CYRIA: variants seen among roughly 807,000 people sequenced by gnomAD.
The protein encoded by CYRIA is CYFIP related Rac1 interactor A, also known as CYFIP-related Rac1 interactor A.
A neutral mutation model predicts 43.9 loss-of-function variants in CYRIA; 15 were observed. That is an observed-to-expected ratio of 0.34 (90% CI 0.23 to 0.53). The LOEUF (loss-of-function observed/expected upper bound fraction) is 0.53, where lower values mean the gene tolerates loss of function less well. CYRIA is among the 20% of genes least tolerant of loss of function. The pLI is 0.94. For synonymous variants in CYRIA, 117 were observed against 136.0 expected, an observed-to-expected ratio of 0.86 and a Z score of 0.97; for missense variants, 236 against 394.2, an observed-to-expected ratio of 0.60 and a Z score of 3.40.
intron 2 of CYRIA, among the ~76,000 whole-genome samples, chr2:16,617,520 G>C (rs534290699): frequency 3.3e-5 from 5 of 152,378 alleles, no homozygotes; most frequent in African/African-American, 1.2e-4. Flanking sequence ...CTGAAACCAA[G>C]GAACTGAACA....
At chr2:16,633,099 G>T (rs982281010) in intron 1 of CYRIA, among the ~76,000 whole-genome samples, 1 of 152,054 alleles carries the variant, frequency 6.6e-6, no homozygotes, top group Admixed American at 6.5e-5. Flanking sequence ...CTAAGCTGAG[G>T]GTACAAGTTC....
intron 1 of CYRIA, among the ~76,000 whole-genome samples, chr2:16,653,944 T>C (rs1225546851): frequency 2.0e-5 from 3 of 152,150 alleles, no homozygotes; most frequent in Non-Finnish European, 4.4e-5. Flanking sequence ...GGACTTTGGG[T>C]GAGCTAAACT....
intron 2 of CYRIA, among the ~76,000 whole-genome samples, chr2:16,593,718 GT>G (rs572181896): frequency 0.51 from 43,816 of 85,614 alleles, 8,389 homozygotes; most frequent in East Asian, 0.71. Context: ...GTGTGTGTGT[GT>G]TTTTTTTTTT....
intron 2 of CYRIA, among the ~76,000 whole-genome samples, chr2:16,621,120 A>C (rs4832662): frequency 0.74 from 112,652 of 152,134 alleles, 43,106 homozygotes; most frequent in East Asian, 0.99. Flanking sequence ...CCTCATTTAT[A>C]CCCAGTGCCT....
intron 3 of CYRIA, among the ~76,000 whole-genome samples, chr2:16,578,441 T>G (rs1039998850): frequency 6.6e-6 from 1 of 152,196 alleles, no homozygotes; most frequent in African/African-American, 2.4e-5. Flanking sequence ...GAGGTTGAAA[T>G]GTACAGACGA....
intron 1 of CYRIA, among the ~76,000 whole-genome samples, chr2:16,641,786 A>G (rs1396364477): frequency 6.6e-6 from 1 of 152,190 alleles, no homozygotes; most frequent in East Asian, 1.9e-4. Context: ...ATGGCATGCA[A>G]AGGAGGCAGG....
intron 3 of CYRIA, among the ~76,000 whole-genome samples, chr2:16,582,290 G>A (rs1447125221): frequency 2.6e-5 from 4 of 152,116 alleles, no homozygotes; most frequent in Non-Finnish European, 5.9e-5. Context: ...TTAGGCAGAA[G>A]AAAAGAATTG....
chr2:16,651,510 C>G (rs1669976319), intron 1 of CYRIA, among the ~76,000 whole-genome samples: 1 of 152,202 alleles, frequency 6.6e-6, no homozygotes, highest in Non-Finnish European at 1.5e-5. Flanking sequence ...TGAACAGACT[C>G]TATCCTTCAT....
intron 1 of CYRIA, among the ~76,000 whole-genome samples, chr2:16,640,302 T>A (rs898696877): frequency 3.3e-5 from 5 of 152,220 alleles, no homozygotes; most frequent in African/African-American, 1.2e-4. Flanking sequence ...GCCATAGGAA[T>A]TGGGATGCTG....
rs373379481 is a variant in CYRIA at position 16,576,210 on chromosome 2, T to C, written c.71-10443A>G. Among the ~76,000 whole-genome samples the C allele has an allele frequency of 4.6e-5, 7 of 152,326 alleles. No homozygotes were observed. In the East Asian group the frequency reaches 9.6e-4, roughly 21 times the overall value. On this transcript the variant is annotated intron_variant, in intron 3 of 11. Transcript: ENST00000381323. ...CTTAGGAGGGTGAGGACAGGATCAT[T>C]AGATTCAGAAAGCATTTATTGGGTA...
rs1558436762 is a variant in CYRIA, at chr2:16,634,899, T to G, written c.-166-10880A>C. Among the ~76,000 whole-genome samples, 3 of 152,192 alleles carry G rather than the reference T, an allele frequency of 2.0e-5. No individual in the cohort carries two copies. In the South Asian group the frequency reaches 6.2e-4, roughly 32 times the overall value. ...CACGCTCCCAGCAAGTTTGTTTGGC[T>G]TTCGTTTATCCCAGATAATTGGTTA... On this transcript the variant is annotated intron_variant, in intron 1 of 11. Coordinates refer to ENST00000381323, the MANE Select transcript of CYRIA (RefSeq NM_030797.4).
chr2:16,579,733 C>G (rs1336683435), intron 3 of CYRIA, among the ~76,000 whole-genome samples: 1 of 151,554 alleles, frequency 6.6e-6, no homozygotes, highest in Non-Finnish European at 1.5e-5. Context: ...AATAGAGTAT[C>G]CCAAACAGTT....
rs200518486 is a variant in CYRIA, at chr2:16,561,441, G to C, written c.513+15C>G. 37 of 1,612,122 alleles carry C rather than the reference G, an allele frequency of 2.3e-5. No individual in the cohort carries two copies. The Middle Eastern group carries it at 1.5e-3, about 65-fold the overall frequency. Reference sequence around the variant, plus strand: ...TGGAGAAGGGTGCAAAGGTCAAGGCGACCCAGGGACTCACGTGCATGTTGT... The same window carrying C: ...TGGAGAAGGGTGCAAAGGTCAAGGCCACCCAGGGACTCACGTGCATGTTGT... On this transcript the variant is annotated intron_variant, in intron 7 of 11. Coordinates refer to ENST00000381323, the MANE Select transcript of CYRIA (RefSeq NM_030797.4).
At chr2:16,565,834 A>G in intron 3 of CYRIA, 67 bp from the exon 4 acceptor site, 2 of 1,416,652 alleles carry the variant, frequency 1.4e-6, no homozygotes, top group Admixed American at 2.0e-5. Flanking sequence ...GAGGATGGAT[A>G]TTCAGTTTTA....
chr2:16,556,652 T>C (rs907187673), intron 10 of CYRIA, among the ~76,000 whole-genome samples: 3 of 152,068 alleles, frequency 2.0e-5, no homozygotes, highest in Non-Finnish European at 1.5e-5. Flanking sequence ...GAAAACATCC[T>C]TGATAGGTGT....
chr2:16,559,243 C>T (rs1038860874), intron 10 of CYRIA, among the ~76,000 whole-genome samples: 1 of 152,090 alleles, frequency 6.6e-6, no homozygotes, highest in Non-Finnish European at 1.5e-5. Flanking sequence ...GGATCAGCAT[C>T]ATAACATTGC....
At chr2:16,586,037 A>G (rs1382357245) in intron 3 of CYRIA, among the ~76,000 whole-genome samples, 1 of 152,128 alleles carries the variant, frequency 6.6e-6, no homozygotes, top group Non-Finnish European at 1.5e-5. Context: ...AAGCATGGAA[A>G]TCTGAGACTC....
At chr2:16,660,199 G>T (rs1670212021) in intron 1 of CYRIA, among the ~76,000 whole-genome samples, 1 of 152,172 alleles carries the variant, frequency 6.6e-6, no homozygotes, top group African/African-American at 2.4e-5. Flanking sequence ...ATGTGGAAAG[G>T]CACTTTCAAG....
Position 16,562,094 on chromosome 2 carries a change from T to C in CYRIA, c.346A>G (p.Thr116Ala). The C allele has an allele frequency of 6.2e-7, 1 of 1,613,376 alleles. No homozygotes were observed. Among genetic ancestry groups the C allele is most frequent in the Non-Finnish European group, 8.5e-7 (1 of 1,179,530 alleles). ...TCCCTTTCCAGGTGTTGGGTTGGTGTGTAGGGTGGACAAGTCAGAGATTCC... is the reference window on the plus strand; with the variant it reads ...TCCCTTTCCAGGTGTTGGGTTGGTGCGTAGGGTGGACAAGTCAGAGATTCC... ...LLESLTCPPY[T>A]PTQHLEREQA... Residue 116 changes from threonine (T) to alanine (A), a missense_variant, in exon 6 of 12, where the codon ACA (threonine) becomes GCA (alanine). By Grantham distance (58) the Thr-to-Ala change is moderately conservative. This residue lies in a region of CYRIA where 193 missense variants were observed against 303.9 expected (regional missense o/e 0.64). Coordinates refer to ENST00000381323, the MANE Select transcript of CYRIA (RefSeq NM_030797.4).
Sources: gnomAD v4.1 joint callset for allele counts (sites outside exome capture counted in the v4.1 genomes callset) on GRCh38, gnomAD v4.1.1 for gene constraint, gnomAD v4.1.1 regional missense constraint, MANE v1.5 for transcripts, NCBI Gene and HGNC (gene_info 2026-07-23, HGNC 2026-07-21) for gene names.